The following PID1 variants were observed in gnomAD, a reference collection of about 807,000 sequenced individuals.
The protein encoded by PID1 is PTB-containing, cubilin and LRP1-interacting protein.
PID1 carries 10 observed loss-of-function variants against 19.1 expected under a neutral mutation model. That is an observed-to-expected ratio of 0.52 (90% CI 0.32 to 0.89). The LOEUF (loss-of-function observed/expected upper bound fraction) is 0.89, where lower values mean the gene tolerates loss of function less well. PID1 is among the 40% of genes least tolerant of loss of function. PID1 has a pLI of 0.03. For missense variants in PID1, 248 were observed against 285.3 expected, an observed-to-expected ratio of 0.87 and a Z score of 0.94; for synonymous variants, 130 against 116.0, an observed-to-expected ratio of 1.12 and a Z score of -0.78.
At position 229,141,418 on chromosome 2, in the gene PID1, A is replaced by G. The variant is rs370120308; in HGVS notation, c.177+14400T>C. On this transcript the variant is annotated intron_variant, in intron 2 of 2. Transcript: ENST00000392055. The stretch of plus-strand genomic sequence containing the variant: ...GGAGAACAGAAGAAAAGGGACTTTT[A>G]TCCACAAGCAAGGTGGACTCTGAAT... Among the ~76,000 whole-genome samples the G allele has an allele frequency of 1.5e-4, 23 of 152,272 alleles. No individual in the cohort carries two copies. The South Asian group carries it at 3.5e-3, about 23-fold the overall frequency.
rs1693721510 is a variant in PID1, at chr2:229,039,274, T to C, written c.178-13166A>G. Among the ~76,000 whole-genome samples, 5 of 152,304 alleles carry C rather than the reference T, an allele frequency of 3.3e-5. No individual in the cohort carries two copies. In the South Asian group the frequency reaches 1.0e-3, roughly 32 times the overall value. On this transcript the variant is annotated intron_variant, in intron 2 of 2. Coordinates refer to ENST00000392055, the MANE Select transcript of PID1 (RefSeq NM_001100818.2). ...TTGTGTAATCTCACAGAGTAACATA[T>C]AAAAGACTGAACCATAAACTTATAT...
At chr2:229,130,223 A>G (rs918231398) in intron 2 of PID1, among the ~76,000 whole-genome samples, 1 of 152,170 alleles carries the variant, frequency 6.6e-6, no homozygotes, top group African/African-American at 2.4e-5. Context: ...AGTTGTCTGG[A>G]GAGCCAGACA....
chr2:229,266,441 T>G (rs903352789), intron 1 of PID1, among the ~76,000 whole-genome samples: 6 of 150,090 alleles, frequency 4.0e-5, no homozygotes, highest in Admixed American at 2.0e-4. Context: ...CACCAAAGAT[T>G]TGAGCCACCA....
At chr2:229,212,721 T>C (rs1691764473) in intron 1 of PID1, among the ~76,000 whole-genome samples, 1 of 152,142 alleles carries the variant, frequency 6.6e-6, no homozygotes, top group African/African-American at 2.4e-5. Flanking sequence ...TAGGTAATAA[T>C]AGGTAGTTAA....
At chr2:229,224,098 A>G (rs1197470824) in intron 1 of PID1, among the ~76,000 whole-genome samples, 1 of 152,236 alleles carries the variant, frequency 6.6e-6, no homozygotes, top group Non-Finnish European at 1.5e-5. Context: ...CCATGTTGCT[A>G]CAAAGGACAG....
chr2:229,174,574 T>C (rs1690776907), intron 1 of PID1, among the ~76,000 whole-genome samples: 1 of 152,000 alleles, frequency 6.6e-6, no homozygotes. Flanking sequence ...CCAATGGGCC[T>C]TTTTAGACTG....
chr2:229,109,422 C>A (rs1436315223), intron 2 of PID1, among the ~76,000 whole-genome samples: 2 of 152,170 alleles, frequency 1.3e-5, no homozygotes, highest in Non-Finnish European at 2.9e-5. Context: ...CGCTAGTCGG[C>A]ATGTTAATTC....
intron 1 of PID1, among the ~76,000 whole-genome samples, chr2:229,243,188 T>A (rs1173168921): frequency 6.6e-6 from 1 of 152,078 alleles, no homozygotes; most frequent in Non-Finnish European, 1.5e-5. Flanking sequence ...AAAGTACCAT[T>A]TTTAAAGCCA....
chr2:229,185,206 C>T (rs1450147572), intron 1 of PID1, among the ~76,000 whole-genome samples: 1 of 151,444 alleles, frequency 6.6e-6, no homozygotes, highest in East Asian at 1.9e-4. Context: ...GCCTAGGAAA[C>T]TAACACACAT....
intron 1 of PID1, among the ~76,000 whole-genome samples, chr2:229,167,809 T>C (rs1299705168): frequency 6.6e-6 from 1 of 152,192 alleles, no homozygotes; most frequent in Non-Finnish European, 1.5e-5. Context: ...TTTGTCACTA[T>C]TGAAATCTAA....
At chr2:229,060,173 G>A (rs1185394071) in intron 2 of PID1, among the ~76,000 whole-genome samples, 1 of 151,990 alleles carries the variant, frequency 6.6e-6, no homozygotes, top group South Asian at 2.1e-4. Context: ...AATACACAGT[G>A]TATTATTTAT....
At chr2:229,069,220 T>C (rs181862881) in intron 2 of PID1, among the ~76,000 whole-genome samples, 2 of 149,694 alleles carry the variant, frequency 1.3e-5, no homozygotes, top group East Asian at 4.0e-4. Flanking sequence ...AAATTACATA[T>C]TTTCTCCCAT....
Position 229,155,882 on chromosome 2 carries a change from G to A in PID1, c.113C>T (p.Pro38Leu), listed in dbSNP as rs766470127. Residue 38 changes from proline (P) to leucine (L), a missense_variant, in exon 2 of 3, where the codon CCG (proline) becomes CTG (leucine). Coordinates refer to ENST00000392055, the MANE Select transcript of PID1 (RefSeq NM_001100818.2). ...EPLPAVIFHE[P>L]EAIELCTTTP... is the part of the protein sequence containing the mutation. ...GGTCGTGCACAGCTCAATGGCCTCCGGCTCATGGAAGATGACCGCTGGGAG... is the reference window on the plus strand; with the variant it reads ...GGTCGTGCACAGCTCAATGGCCTCCAGCTCATGGAAGATGACCGCTGGGAG... 15 of 1,613,774 alleles carry A rather than the reference G, an allele frequency of 9.3e-6. No homozygotes were observed. The highest frequency in any genetic ancestry group is 6.7e-5 in the African/African-American group (5 of 74,928).
intron 2 of PID1, among the ~76,000 whole-genome samples, chr2:229,132,519 T>A (rs1034779932): frequency 1.3e-5 from 2 of 152,156 alleles, no homozygotes; most frequent in Admixed American, 6.5e-5. Context: ...CAAAACAAAG[T>A]TTCAAGTGCT....
In PID1 at chr2:229,199,720, T is replaced by TTATATATATA. The variant is rs55942947; in HGVS notation, c.31-43766_31-43757dup. On this transcript the variant is annotated intron_variant, in intron 1 of 2. Transcript: ENST00000392055. Reference sequence around the variant, plus strand: ...TCAAGACAAATGGGAAATATCTAATTTATATATATATATATATATATATAT... The same window carrying TTATATATATA: ...TCAAGACAAATGGGAAATATCTAATTTATATATATATATATATATATATATATATATATAT... 1.6e-3 allele frequency among the ~76,000 whole-genome samples: 215 copies of TTATATATATA among 132,142 alleles called. 1 individual carries two copies. The highest frequency in any genetic ancestry group is 5.4e-3 in the South Asian group (22 of 4,088). 86.7% of individuals were successfully genotyped at this position (132,142 alleles called of 152,430 possible). A position where few individuals can be genotyped will look rare whatever the true frequency, so the allele number is the denominator to read the frequency against.
intron 2 of PID1, among the ~76,000 whole-genome samples, chr2:229,073,133 C>T (rs1694490910): frequency 6.6e-6 from 1 of 152,218 alleles, no homozygotes; most frequent in Non-Finnish European, 1.5e-5. Flanking sequence ...TCACACCATT[C>T]TCCTGCCTCA....
intron 2 of PID1, among the ~76,000 whole-genome samples, chr2:229,092,288 T>A (rs1190532521): frequency 6.6e-6 from 1 of 152,170 alleles, no homozygotes; most frequent in Non-Finnish European, 1.5e-5. Flanking sequence ...AGCATGACTG[T>A]AAGAAGTAGA....
intron 1 of PID1, among the ~76,000 whole-genome samples, chr2:229,228,622 T>C (rs1307849307): frequency 2.6e-5 from 4 of 152,252 alleles, no homozygotes; most frequent in Non-Finnish European, 5.9e-5. Flanking sequence ...CTGCTTTAAA[T>C]GTGTCTTTTA....
intron 2 of PID1, among the ~76,000 whole-genome samples, chr2:229,099,445 T>C (rs747243590): frequency 2.0e-5 from 3 of 152,130 alleles, no homozygotes; most frequent in Non-Finnish European, 4.4e-5. Context: ...ACCAACAGCT[T>C]AGCTTACTGC....
Sources: allele counts gnomAD v4.1 joint callset (sites outside exome capture counted in the v4.1 genomes callset), GRCh38; gene constraint gnomAD v4.1.1; transcripts MANE v1.5; gene names NCBI Gene and HGNC (gene_info 2026-07-23, HGNC 2026-07-21).